SULT1A1: variants seen among roughly 807,000 people sequenced by gnomAD.
SULT1A1 encodes sulfotransferase family 1A member 1, also known as sulfotransferase 1A1.
A neutral mutation model predicts 36.8 loss-of-function variants in SULT1A1; 35 were observed. That is an observed-to-expected ratio of 0.95 (90% CI 0.73 to 1.26). SULT1A1 has a LOEUF of 1.26. SULT1A1 is among the 50% of genes most tolerant of loss of function. The pLI, the probability that SULT1A1 is intolerant of heterozygous loss-of-function variation, is 0.00. For missense variants in SULT1A1, 309 were observed against 383.0 expected, an observed-to-expected ratio of 0.81 and a Z score of 1.61; for synonymous variants, 119 against 146.0, an observed-to-expected ratio of 0.82 and a Z score of 1.33.
At position 28,605,870 on chromosome 16, in the gene SULT1A1, T is replaced by G. The variant is rs767635499; in HGVS notation, c.839A>C (p.Tyr280Ser). The G allele has an allele frequency of 6.2e-7, 1 of 1,609,758 alleles. No homozygotes were observed. Among genetic ancestry groups the G allele is most frequent in the African/African-American group, 1.3e-5 (1 of 74,808 alleles). Residue 280 changes from tyrosine to serine, a missense_variant, in exon 8 of 8, where the codon TAT (tyrosine) becomes TCT (serine). Physicochemically the swap from Tyr to Ser is moderately radical, Grantham distance 144. Coordinates refer to ENST00000314752, the MANE Select transcript of SULT1A1 (RefSeq NM_001055.4). ...GCTGCAGCCTGCCATCTTCTCCGCA[T>G]AGTCCGCATCGAAGCGCTCATTCTG... is the stretch of plus-strand genomic sequence containing the variant. Reference protein sequence around the residue: ...VAQNERFDADYAEKMAGCSLS... With the variant: ...VAQNERFDADSAEKMAGCSLS...
At chr16:28,620,687 A>G (rs2047633822) in intron 1 of SULT1A1, among the ~76,000 whole-genome samples, 1 of 152,168 alleles carries the variant, frequency 6.6e-6, no homozygotes, top group Non-Finnish European at 1.5e-5. Context: ...ATTTTTTCAA[A>G]AACTATAACA....
chr16:28,618,421 G>A (rs1417395392), intron 2 of SULT1A1, among the ~76,000 whole-genome samples: 1 of 139,698 alleles, frequency 7.2e-6, no homozygotes, highest in East Asian at 2.3e-4. Flanking sequence ...TATCGGCTTA[G>A]TGCAACCTCC....
At chr16:28,620,106 T>C (rs150720337) in exon 2 of SULT1A1, 6 of 1,613,234 alleles carry the variant, frequency 3.7e-6, no homozygotes, top group African/African-American at 2.7e-5. Context: ...CAAAAATATG[T>C]CATCCTTTCC....
At chr16:28,610,443 G>A (rs1427948795), upstream of SULT1A1, 2 of 361,332 alleles carry the variant, frequency 5.5e-6, no homozygotes, top group Non-Finnish European at 1.0e-5. Flanking sequence ...CCTACCTGCT[G>A]GCTCCAGGCC....
intron 2 of SULT1A1, among the ~76,000 whole-genome samples, chr16:28,618,863 A>G (rs2047597364): frequency 6.6e-6 from 1 of 152,216 alleles, no homozygotes; most frequent in Non-Finnish European, 1.5e-5. Context: ...ACAGTCTACC[A>G]TCCTTATTTT....
intron 6 of SULT1A1, 38 bp downstream of exon 6, chr16:28,606,723 A>AG: frequency 1.2e-6 from 2 of 1,606,828 alleles, no homozygotes; most frequent in South Asian, 2.2e-5. Flanking sequence ...GCCTGCCCCC[A>AG]GGAGTCACAT....
At chr16:28,609,276 A>C (rs2047354690) in intron 1 of SULT1A1, 1 of 1,257,972 alleles carries the variant, frequency 7.9e-7, no homozygotes, top group East Asian at 4.9e-5. Flanking sequence ...CCCAGCCTCC[A>C]CCCAGTGGAG....
At chr16:28,618,624 G>T (rs936951831) in intron 2 of SULT1A1, among the ~76,000 whole-genome samples, 2 of 152,074 alleles carry the variant, frequency 1.3e-5, no homozygotes, top group Non-Finnish European at 2.9e-5. Flanking sequence ...GATTACAGGC[G>T]TGAGCCACCG....
At chr16:28,609,567 C>T (rs1469594429) in intron 1 of SULT1A1, 1 of 446,926 alleles carries the variant, frequency 2.2e-6, no homozygotes, top group African/African-American at 2.0e-5. Context: ...TGCAGCATTG[C>T]AAGACCCCAT....
At chr16:28,617,318 C>T (rs2047565132) in intron 2 of SULT1A1, among the ~76,000 whole-genome samples, 1 of 152,110 alleles carries the variant, frequency 6.6e-6, no homozygotes, top group Non-Finnish European at 1.5e-5. Flanking sequence ...TGCCTGGCCC[C>T]AGCAAGACTT....
chr16:28,621,417 G>T (rs1422982128), intron 1 of SULT1A1, among the ~76,000 whole-genome samples: 1 of 130,574 alleles, frequency 7.7e-6, no homozygotes, highest in Non-Finnish European at 1.6e-5. Context: ...GAAGATGGAG[G>T]TTTCAATGAG....
At chr16:28,623,363 CG>C in exon 1 of SULT1A1, 2 of 1,486,078 alleles carry the variant, frequency 1.3e-6, no homozygotes, top group South Asian at 2.6e-5. Context: ...CGGAGACGAG[CG>C]AGCTACGGCA....
At chr16:28,621,749 C>T (rs1219418047) in intron 1 of SULT1A1, among the ~76,000 whole-genome samples, 1 of 152,056 alleles carries the variant, frequency 6.6e-6, no homozygotes, top group Admixed American at 6.6e-5. Flanking sequence ...CCCCGTCAGG[C>T]TTAAGACCCA....
chr16:28,610,425 A>G (rs2047408516), upstream of SULT1A1: 1 of 385,730 alleles, frequency 2.6e-6, no homozygotes, highest in African/African-American at 2.1e-5. Context: ...CAGGCCCTGG[A>G]AAGGTCACCT....
exon 1 of SULT1A1, chr16:28,623,204 CG>C (rs1469574228): frequency 6.5e-7 from 1 of 1,547,016 alleles, no homozygotes; most frequent in Non-Finnish European, 8.7e-7. Flanking sequence ...GCATGGCGCG[CG>C]GCGCTCGGCC....
intron 1 of SULT1A1, among the ~76,000 whole-genome samples, chr16:28,620,523 C>G (rs1325039700): frequency 6.8e-6 from 1 of 147,522 alleles, no homozygotes; most frequent in African/African-American, 2.5e-5. Context: ...GTGATCATGC[C>G]ACTGCACTCC....
chr16:28,610,199 G>GA (rs1208267358), upstream of SULT1A1: 2 of 1,280,264 alleles, frequency 1.6e-6, no homozygotes, highest in Non-Finnish European at 2.0e-6. Flanking sequence ...TTGCTGTGTA[G>GA]AAAACAGAAG....
At chr16:28,617,244 G>A (rs2151718205) in intron 2 of SULT1A1, among the ~76,000 whole-genome samples, 1 of 151,964 alleles carries the variant, frequency 6.6e-6, no homozygotes, top group South Asian at 2.1e-4. Flanking sequence ...TCAAATTCCT[G>A]AGCTCAAGCA....
In SULT1A1 at chr16:28,606,931, C is replaced by T; in HGVS notation, c.499+20G>A. The T allele has an allele frequency of 6.2e-7, 1 of 1,612,488 alleles. No individual in the cohort carries two copies. Among genetic ancestry groups the T allele is most frequent in the Non-Finnish European group, 8.5e-7 (1 of 1,178,658 alleles). On this transcript the variant is annotated intron_variant, in intron 5 of 7. Coordinates refer to ENST00000314752, the MANE Select transcript of SULT1A1 (RefSeq NM_001055.4). Reference sequence around the variant, plus strand: ...CACCACCCCTTAGCTCCACACTTTCCTTCCTCCCATCAAACCCACCTTCTC... The same window carrying T: ...CACCACCCCTTAGCTCCACACTTTCTTTCCTCCCATCAAACCCACCTTCTC...
Sources: gnomAD v4.1 joint callset for allele counts (sites outside exome capture counted in the v4.1 genomes callset) on GRCh38, gnomAD v4.1.1 for gene constraint, MANE v1.5 for transcripts, NCBI Gene and HGNC (gene_info 2026-07-23, HGNC 2026-07-21) for gene names.